ANKS6: variants seen among roughly 807,000 people sequenced by gnomAD.
ANKS6 encodes the protein ankyrin repeat and SAM domain-containing protein 6.
Under a neutral mutation model 77.9 loss-of-function variants are expected in ANKS6, and 47 were observed. The ratio of observed to expected loss-of-function variants is 0.60; its 90% CI spans 0.48 to 0.77. The LOEUF (loss-of-function observed/expected upper bound fraction) is 0.77, where lower values mean the gene tolerates loss of function less well. Among genes scored for constraint, ANKS6 ranks in the 30% least tolerant of loss-of-function variants. ANKS6 has a pLI of 0.00. For missense variants in ANKS6, 1,150 were observed against 1,159.1 expected (o/e 0.99, Z 0.11); for synonymous variants, 488 against 501.7 (o/e 0.97, Z 0.37).
At chr9:98,743,978 T>A (rs1431610070) in intron 14 of ANKS6, among the ~76,000 whole-genome samples, 1 of 151,974 alleles carries the variant, frequency 6.6e-6, no homozygotes, top group African/African-American at 2.4e-5. Context: ...TCTGACAACC[T>A]CCATACCTGC....
intron 13 of ANKS6, among the ~76,000 whole-genome samples, chr9:98,749,733 G>A (rs1333796240): frequency 1.3e-5 from 2 of 152,186 alleles, no homozygotes; most frequent in Non-Finnish European, 2.9e-5. Context: ...AAACACCAAG[G>A]AGGCAGGAAT....
intron 13 of ANKS6, among the ~76,000 whole-genome samples, chr9:98,748,675 A>T (rs193156827): frequency 8.5e-5 from 13 of 152,326 alleles, no homozygotes; most frequent in Admixed American, 4.6e-4. Context: ...CACATACACT[A>T]GTGGGGGTGG....
chr9:98,733,759 G>A lies in ANKS6; in HGVS notation c.*2760C>T, dbSNP rs376112435. Reference sequence around the variant, plus strand: ...TGAGAGGCCTGTAGCAAAGATGATCGTGTAGCTCGCTTTAGTGTCTGCCAA... The same window carrying A: ...TGAGAGGCCTGTAGCAAAGATGATCATGTAGCTCGCTTTAGTGTCTGCCAA... On this transcript the variant is annotated 3_prime_UTR_variant, in exon 15 of 15. Coordinates refer to ENST00000353234, the MANE Select transcript of ANKS6 (RefSeq NM_173551.5). 49 of 985,490 alleles carry A rather than the reference G, an allele frequency of 5.0e-5. No homozygotes were observed. In the East Asian group the frequency reaches 2.2e-3, roughly 43 times the overall value. The allele number at this position is 985,490 out of a possible 1,614,324, so 61.0% of individuals were successfully genotyped here.
chr9:98,771,075 A>G lies in ANKS6; in HGVS notation c.1822-29T>C, dbSNP rs1223232571. On this transcript the variant is annotated intron_variant, in intron 9 of 14. Coordinates refer to ENST00000353234, the MANE Select transcript of ANKS6 (RefSeq NM_173551.5). The stretch of plus-strand genomic sequence containing the variant: ...CAAGAATAAGGCAGGTGCAGCACTT[A>G]GGGAGGCTGCTCCTCCCTCCAGCCG... 3.4e-6 allele frequency: 5 copies of G among 1,481,920 alleles called. No individual in the cohort carries two copies. The South Asian group carries it at 7.1e-5, about 21-fold the overall frequency. 91.8% of individuals were successfully genotyped at this position (1,481,920 alleles called of 1,614,324 possible).
At chr9:98,789,877 C>G (rs1834792819) in intron 2 of ANKS6, 1 of 546,490 alleles carries the variant, frequency 1.8e-6, no homozygotes, top group Non-Finnish European at 3.0e-6. Context: ...TAGAGGCTTC[C>G]AGGCTCTTGC....
At position 98,773,896 on chromosome 9, in the gene ANKS6, C is replaced by T. The variant is rs768572656; in HGVS notation, c.1802G>A (p.Gly601Asp). 4 of 1,572,030 alleles carry T rather than the reference C, an allele frequency of 2.5e-6. No individual in the cohort carries two copies. The highest frequency in any genetic ancestry group is 3.4e-6 in the Non-Finnish European group (4 of 1,164,926). ...PQRASRGHPV[G>D]GGGTDTTPVR... Reference sequence around the variant, plus strand: ...ACTTACAGTGTCTGTGCCCCCGCCGCCCACGGGGTGGCCCCTGCTGGCTCT... The same window carrying T: ...ACTTACAGTGTCTGTGCCCCCGCCGTCCACGGGGTGGCCCCTGCTGGCTCT... Residue 601 changes from glycine to aspartate, a missense_variant, in exon 9 of 15, where the codon GGC (glycine) becomes GAC (aspartate). Gly to Asp is a moderately conservative substitution (Grantham distance 94, BLOSUM62 -1). Transcript: ENST00000353234.
In ANKS6 at chr9:98,734,480, C is replaced by T; in HGVS notation, c.*2039G>A. On this transcript the variant is annotated 3_prime_UTR_variant, in exon 15 of 15. Transcript: ENST00000353234. ...ACATAACGTCAGGGGCCATGAATTT[C>T]AGAGGCAAACAATTCTAGGCCTACT... 1 of 985,470 alleles carries T rather than the reference C, an allele frequency of 1.0e-6. No homozygotes were observed. Among genetic ancestry groups the T allele is most frequent in the Non-Finnish European group, 1.2e-6 (1 of 829,952 alleles). The allele number at this position is 985,470 out of a possible 1,614,324, so 61.0% of individuals were successfully genotyped here. A position where few individuals can be genotyped will look rare whatever the true frequency, so the allele number is the denominator to read the frequency against.
chr9:98,780,693 T>C (rs1834199161), intron 5 of ANKS6, among the ~76,000 whole-genome samples: 1 of 152,222 alleles, frequency 6.6e-6, no homozygotes, highest in African/African-American at 2.4e-5. Flanking sequence ...TCTTTGTGCG[T>C]CTGTACAAGT....
intron 2 of ANKS6, among the ~76,000 whole-genome samples, chr9:98,785,724 C>G (rs1834528325): frequency 6.6e-6 from 1 of 152,150 alleles, no homozygotes; most frequent in African/African-American, 2.4e-5. Flanking sequence ...TGCCAGAGGG[C>G]ACTTGTGACT....
intron 13 of ANKS6, among the ~76,000 whole-genome samples, chr9:98,747,591 C>T (rs942607991): frequency 6.6e-6 from 1 of 152,046 alleles, no homozygotes; most frequent in Non-Finnish European, 1.5e-5. Context: ...AACCACCTGC[C>T]CCCCGCCCTG....
chr9:98,781,479 A>G (rs959348877), intron 5 of ANKS6, among the ~76,000 whole-genome samples: 6 of 152,200 alleles, frequency 3.9e-5, no homozygotes, highest in Non-Finnish European at 8.8e-5. Context: ...GAGGTGGAGT[A>G]GGATCACTGG....
At chr9:98,782,403 T>C (rs765475340) in intron 5 of ANKS6, 64 bp downstream of exon 5, 40 of 1,442,292 alleles carry the variant, frequency 2.8e-5, no homozygotes, top group Non-Finnish European at 3.5e-5. Flanking sequence ...AGGAGGTGCC[T>C]GTCTTGACTC....
intron 3 of ANKS6, among the ~76,000 whole-genome samples, 155 bp downstream of exon 3, chr9:98,784,677 G>A (rs953686408): frequency 6.7e-6 from 1 of 148,672 alleles, no homozygotes; most frequent in Admixed American, 6.7e-5. Context: ...AATAAATACT[G>A]GCCTCCAGGA....
intron 14 of ANKS6, among the ~76,000 whole-genome samples, chr9:98,741,759 G>A (rs997676961): frequency 3.9e-5 from 6 of 152,168 alleles, no homozygotes; most frequent in African/African-American, 7.2e-5. Flanking sequence ...AAGTGACGTG[G>A]CTTGCAGGCT....
chr9:98,780,445 G>A, intron 5 of ANKS6, 108 bp from the exon 6 acceptor site: 2 of 1,308,226 alleles, frequency 1.5e-6, no homozygotes, highest in Non-Finnish European at 2.1e-6. Flanking sequence ...TGCAGCTCCA[G>A]GGTCTGTGTA....
intron 2 of ANKS6, among the ~76,000 whole-genome samples, chr9:98,785,648 C>G (rs1362020491): frequency 6.6e-6 from 1 of 152,166 alleles, no homozygotes; most frequent in Non-Finnish European, 1.5e-5. Flanking sequence ...CATGGCCAGT[C>G]TGCTTGCTGG....
chr9:98,764,874 T>G (rs1458633200), intron 11 of ANKS6, among the ~76,000 whole-genome samples: 1 of 152,218 alleles, frequency 6.6e-6, no homozygotes, highest in African/African-American at 2.4e-5. Context: ...TTATCATGAT[T>G]GCTTCATTTC....
In ANKS6 at chr9:98,732,892, T is replaced by C; in HGVS notation, c.*3627A>G. 9.0e-7 allele frequency: 1 copy of C among 1,116,340 alleles called. No homozygotes were observed. The highest frequency in any genetic ancestry group is 1.1e-6 in the Non-Finnish European group (1 of 910,820). 69.2% of individuals were successfully genotyped at this position (1,116,340 alleles called of 1,614,324 possible). ...TCCCTGACGATCTAGAACTTACACA[T>C]TACGTGCTGCCTTTGCACATGCCCC... On this transcript the variant is annotated 3_prime_UTR_variant, in exon 15 of 15. Transcript: ENST00000353234.
chr9:98,742,887 G>C (rs544008195), intron 14 of ANKS6, among the ~76,000 whole-genome samples: 1 of 152,326 alleles, frequency 6.6e-6, no homozygotes, highest in South Asian at 2.1e-4. Context: ...CTGAAAAAAG[G>C]CTCTAGTTTA....
Sources: gnomAD v4.1 joint callset for allele counts (sites outside exome capture counted in the v4.1 genomes callset) on GRCh38, gnomAD v4.1.1 for gene constraint, MANE v1.5 for transcripts, NCBI Gene and HGNC (gene_info 2026-07-23, HGNC 2026-07-21) for gene names.